ZFHX2: variants seen among roughly 807,000 people sequenced by gnomAD.
The protein encoded by ZFHX2 is zinc finger homeobox 2, also known as zinc finger homeobox protein 2.
In ZFHX2, 75 loss-of-function variants were observed where a neutral mutation model predicts 164.8. The ratio of observed to expected loss-of-function variants is 0.46; its 90% CI spans 0.38 to 0.55. The LOEUF (loss-of-function observed/expected upper bound fraction) is 0.55, where lower values mean the gene tolerates loss of function less well. Ranked by LOEUF, ZFHX2 falls within the 20% of genes least tolerant of loss-of-function variation. The pLI, the probability that ZFHX2 is intolerant of heterozygous loss-of-function variation, is 0.00. For synonymous variants in ZFHX2, 1,217 were observed against 1,351.4 expected (o/e 0.90, Z 2.18); for missense variants, 2,933 against 3,308.0 (o/e 0.89, Z 2.78).
At chr14:23,536,299 G>C (rs1345779828) in intron 1 of ZFHX2, among the ~76,000 whole-genome samples, 2 of 152,172 alleles carry the variant, frequency 1.3e-5, no homozygotes, top group African/African-American at 4.8e-5. Flanking sequence ...TCTTTTGAAT[G>C]GCAGAATTCT....
In ZFHX2 at chr14:23,532,764, G is replaced by C. The variant is rs1879727507; in HGVS notation, c.2362C>G (p.Leu788Val). ...KTDKHAQKYQLAAHLREGGGA... is the reference protein window; with the variant it reads ...KTDKHAQKYQVAAHLREGGGA... ...CCCCCCTCCCGCAGGTGGGCTGCCA[G>C]CTGGTACTTCTGAGCATGTTTGTCA... The change falls in exon 3 of 10, where the codon CTG becomes GTG. Residue 788 changes from leucine to valine, a missense_variant. Leu to Val is a conservative substitution (Grantham distance 32, BLOSUM62 1). Transcript: ENST00000419474. 1 of 1,536,290 alleles carries C rather than the reference G, an allele frequency of 6.5e-7. No individual in the cohort carries two copies. The highest frequency in any genetic ancestry group is 2.0e-5 in the Admixed American group (1 of 51,004).
At chr14:23,527,014 C>G in intron 7 of ZFHX2, 41 bp from the exon 8 acceptor site, 1 of 1,468,660 alleles carries the variant, frequency 6.8e-7, no homozygotes, top group Non-Finnish European at 9.0e-7. Flanking sequence ...CACCACCCCC[C>G]ACTGCCCCTA....
intron 4 of ZFHX2, 33 bp from the exon 5 acceptor site, chr14:23,530,227 A>C (rs746627561): frequency 6.8e-7 from 1 of 1,470,034 alleles, no homozygotes; most frequent in South Asian, 1.2e-5. Flanking sequence ...CAGCTTAAAG[A>C]GGTGTGGCAT....
Position 23,533,170 on chromosome 14 carries a change from A to G in ZFHX2, c.2042-86T>C. Reference sequence around the variant, plus strand: ...GTGGGGAGGTGGGTTAATGAGTAGGATAGTGCTCAGAGGGACTTATGGTTA... The same window carrying G: ...GTGGGGAGGTGGGTTAATGAGTAGGGTAGTGCTCAGAGGGACTTATGGTTA... On this transcript the variant is annotated intron_variant, in intron 2 of 9. Coordinates refer to ENST00000419474, the MANE Select transcript of ZFHX2 (RefSeq NM_033400.3). This position sits in a 1 kb window ranked among gnomAD's most constrained non-coding sequence, Gnocchi z 4.8. The G allele has an allele frequency of 6.9e-7, 1 of 1,447,162 alleles. No homozygotes were observed. The highest frequency in any genetic ancestry group is 9.1e-7 in the Non-Finnish European group (1 of 1,104,388). The allele number at this position is 1,447,162 out of a possible 1,614,324, so 89.6% of individuals were successfully genotyped here.
rs1189767907 is a variant in ZFHX2 at position 23,526,230 on chromosome 14, G to A, written c.3712C>T (p.Pro1238Ser). 1 of 1,536,362 alleles carries A rather than the reference G, an allele frequency of 6.5e-7. No individual in the cohort carries two copies. The highest frequency in any genetic ancestry group is 1.2e-5 in the South Asian group (1 of 84,058). Residue 1238 changes from proline (P) to serine (S), a missense_variant, in exon 9 of 10, where the codon CCC (proline) becomes TCC (serine). By Grantham distance (74) the Pro-to-Ser change is moderately conservative (BLOSUM62 -1). Transcript: ENST00000419474. ...TTGTCTGTGGCAGCAGTGGTGGTGG[G>A]TGGGGCACCGGCCTCTCCCCGTGCA... The part of the protein sequence containing the change: ...APARGEAGAP[P>S]TTTAATDKPF...
At position 23,525,062 on chromosome 14, in the gene ZFHX2, C is replaced by T. The variant is rs954435481; in HGVS notation, c.4880G>A (p.Arg1627Gln). Residue 1627 changes from arginine (R) to glutamine (Q), a missense_variant, in exon 9 of 10, where the codon CGA (arginine) becomes CAA (glutamine). Coordinates refer to ENST00000419474, the MANE Select transcript of ZFHX2 (RefSeq NM_033400.3). The surrounding 1 kb of genome is among the most constrained non-coding windows in gnomAD (Gnocchi z 5.9). ...AGCCAGACCCAACAGACTTGCGAGT[C>T]GCTCCACCTCTCCGTCTTTGGGGTA... ...SAYPKDGEVE[R>Q]LASLLGLASR... 11 of 1,536,028 alleles carry T rather than the reference C, an allele frequency of 7.2e-6. No individual in the cohort carries two copies. The highest frequency in any genetic ancestry group is 4.1e-5 in the African/African-American group (3 of 73,032).
At chr14:23,553,714 A>G (rs59167088), upstream of ZFHX2, among the ~76,000 whole-genome samples, 33,395 of 150,670 alleles carry the variant, frequency 0.22, 5,064 homozygotes, top group African/African-American at 0.43. Context: ...CTAACAGGGT[A>G]AAACCCCATC....
At chr14:23,527,901 C>CAT in intron 6 of ZFHX2, 97 bp from the exon 7 acceptor site, 2 of 448,792 alleles carry the variant, frequency 4.5e-6, no homozygotes, top group South Asian at 2.3e-5. Context: ...GCCCCCACTC[C>CAT]TTTTTTTTTT....
In ZFHX2 at chr14:23,525,028, C is replaced by G. The variant is rs762116748; in HGVS notation, c.4914G>C (p.Val1638=). 4.8e-5 allele frequency: 74 copies of G among 1,536,210 alleles called. No homozygotes were observed. In the East Asian group the frequency reaches 1.7e-3, roughly 36 times the overall value. Reference sequence around the variant, plus strand: ...GGGCATTCTGGAACCACACCACCACCACACGGCTAGCCAGACCCAACAGAC... The same window carrying G: ...GGGCATTCTGGAACCACACCACCACGACACGGCTAGCCAGACCCAACAGAC... The part of the protein sequence containing the change: ...LASLLGLASR[V]VVVWFQNARQ... Residue 1638 remains valine, a synonymous_variant, in exon 9 of 10, where the codon GTG becomes GTC. Coordinates refer to ENST00000419474, the MANE Select transcript of ZFHX2 (RefSeq NM_033400.3). The surrounding 1 kb of genome is among the most constrained non-coding windows in gnomAD (Gnocchi z 5.9).
Position 23,522,683 on chromosome 14 carries a change from A to C in ZFHX2, c.6998T>G (p.Leu2333Trp), listed in dbSNP as rs2138648940. The C allele has an allele frequency of 6.5e-7, 1 of 1,536,578 alleles. No individual in the cohort carries two copies. The highest frequency in any genetic ancestry group is 8.7e-7 in the Non-Finnish European group (1 of 1,146,964). ...CAACAGGGCTGGGACAGTGGTCTTC[A>C]ATGCTTTGAGGTTCTTGAGGGCATC... ...SNDALKNLKA[L>W]KTTVPALLGG... Residue 2333 changes from leucine to tryptophan, a missense_variant, in exon 10 of 10, where the codon TTG becomes TGG. Transcript: ENST00000419474.
Position 23,526,037 on chromosome 14 carries a change from C to A in ZFHX2, c.3905G>T (p.Gly1302Val). 1 of 1,536,358 alleles carries A rather than the reference C, an allele frequency of 6.5e-7. No individual in the cohort carries two copies. The highest frequency in any genetic ancestry group is 8.7e-7 in the Non-Finnish European group (1 of 1,146,874). Residue 1302 changes from glycine (G) to valine (V), a missense_variant, in exon 9 of 10, where the codon GGG becomes GTG. Coordinates refer to ENST00000419474, the MANE Select transcript of ZFHX2 (RefSeq NM_033400.3). ...QEEPKEGETE[G>V]EVGTEKKGPD... ...GCCCTTCTTCTCAGTGCCCACCTCC[C>A]CCTCTGTCTCGCCTTCCTTGGGCTC...
At chr14:23,552,640 C>T (rs765233398), upstream of ZFHX2, among the ~76,000 whole-genome samples, 13 of 151,780 alleles carry the variant, frequency 8.6e-5, no homozygotes, top group South Asian at 2.1e-4. Flanking sequence ...GTCACTCTGT[C>T]GCCCAGGCTG....
At position 23,521,972 on chromosome 14, in the gene ZFHX2, A is replaced by G; in HGVS notation, c.7709T>C (p.Leu2570Pro). The change falls in exon 10 of 10, where the codon CTA becomes CCA. Residue 2570 changes from leucine to proline, a missense_variant. Coordinates refer to ENST00000419474, the MANE Select transcript of ZFHX2 (RefSeq NM_033400.3). Reference protein sequence around the residue: ...NPKTTTTSTLLAL With the variant: ...NPKTTTTSTLPAL ...TCTTGGTTAATCTGTTTATAAAGCT[A>G]GAAGTGTAGAGGTAGTCGTAGTTTT... 1 of 1,536,276 alleles carries G rather than the reference A, an allele frequency of 6.5e-7. No homozygotes were observed. Among genetic ancestry groups the G allele is most frequent in the Non-Finnish European group, 8.7e-7 (1 of 1,146,888 alleles).
At position 23,534,025 on chromosome 14, in the gene ZFHX2, C is replaced by T. The variant is rs1879880395; in HGVS notation, c.1301G>A (p.Gly434Asp). The T allele has an allele frequency of 6.5e-7, 1 of 1,536,344 alleles. No individual in the cohort carries two copies. The highest frequency in any genetic ancestry group is 8.7e-7 in the Non-Finnish European group (1 of 1,146,536). ...DYTPAPAAFQ[G>D]LSLSSHMSLL... The stretch of plus-strand genomic sequence containing the variant: ...GGACATGTGGCTGGACAGGCTGAGG[C>T]CCTGGAAGGCTGCAGGGGCTGGGGT... The change falls in exon 2 of 10, where the codon GGC (glycine) becomes GAC (aspartate). Residue 434 changes from glycine to aspartate, a missense_variant. Coordinates refer to ENST00000419474, the MANE Select transcript of ZFHX2 (RefSeq NM_033400.3). This position sits in a 1 kb window ranked among gnomAD's most constrained non-coding sequence, Gnocchi z 4.5.
chr14:23,524,248 C>G lies in ZFHX2; in HGVS notation c.5694G>C (p.Lys1898Asn). Residue 1898 changes from lysine to asparagine, a missense_variant, in exon 9 of 10, where the codon AAG becomes AAC. Physicochemically the swap from Lys to Asn is moderately conservative, Grantham distance 94 (BLOSUM62 0). Transcript: ENST00000419474. This position sits in a 1 kb window ranked among gnomAD's most constrained non-coding sequence, Gnocchi z 5.6. ...TCTGGAACCAGACCTGTACCACTCG[C>G]TTTTTGAGCCCCACCTCCTCGGAGA... ...DCISEEVGLKKRVVQVWFQNT... is the reference protein window; with the variant it reads ...DCISEEVGLKNRVVQVWFQNT... 2.6e-6 allele frequency: 4 copies of G among 1,536,442 alleles called. No homozygotes were observed. Among genetic ancestry groups the G allele is most frequent in the Non-Finnish European group, 3.5e-6 (4 of 1,146,984 alleles).
At chr14:23,545,467 T>G (rs1362750775) in intron 1 of ZFHX2, among the ~76,000 whole-genome samples, 3 of 152,340 alleles carry the variant, frequency 2.0e-5, no homozygotes, top group African/African-American at 7.2e-5. Context: ...CATCTCTCTG[T>G]GCTCTCTCCC....
chr14:23,533,278 AG>A lies in ZFHX2; in HGVS notation c.2041+6del. On this transcript the variant is annotated splice_donor_region_variant and intron_variant, in intron 2 of 9. Transcript: ENST00000419474. This position sits in a 1 kb window ranked among gnomAD's most constrained non-coding sequence, Gnocchi z 4.8. Reference sequence around the variant, plus strand: ...GGAGAGAAGAGGGAAGAAGCACAGAAGCTTACCGGATGTGGGGAACTTGCGG... The same window carrying A: ...GGAGAGAAGAGGGAAGAAGCACAGAACTTACCGGATGTGGGGAACTTGCGG... 7.0e-7 allele frequency: 1 copy of A among 1,436,232 alleles called. No individual in the cohort carries two copies. Among genetic ancestry groups the A allele is most frequent in the Non-Finnish European group, 9.1e-7 (1 of 1,099,322 alleles). The allele number at this position is 1,436,232 out of a possible 1,614,324, so 89.0% of individuals were successfully genotyped here. A position where few individuals can be genotyped will look rare whatever the true frequency, so the allele number is the denominator to read the frequency against.
At chr14:23,531,862 C>G (rs954432430) in intron 3 of ZFHX2, 141 bp from the exon 4 acceptor site, 11 of 1,125,514 alleles carry the variant, frequency 9.8e-6, no homozygotes, top group Non-Finnish European at 1.2e-5. Context: ...ACTGAAGCCT[C>G]TACCTCCTGG....
At chr14:23,527,853 C>A in intron 6 of ZFHX2, 49 bp from the exon 7 acceptor site, 1 of 1,494,392 alleles carries the variant, frequency 6.7e-7, no homozygotes, top group Non-Finnish European at 9.0e-7. Flanking sequence ...AAGGATGGGA[C>A]CCACCATCAC....
Sources: allele counts gnomAD v4.1 joint callset (sites outside exome capture counted in the v4.1 genomes callset), GRCh38; gene constraint gnomAD v4.1.1; non-coding constraint Gnocchi (gnomAD v3.1); transcripts MANE v1.5; gene names NCBI Gene and HGNC (gene_info 2026-07-23, HGNC 2026-07-21).